The following ERCC6 variants were observed in gnomAD, a reference collection of about 807,000 sequenced individuals.
ERCC6 encodes DNA excision repair protein ERCC-6.
A neutral mutation model predicts 158.7 loss-of-function variants in ERCC6; 116 were observed. That is an observed-to-expected ratio of 0.73 (90% confidence interval 0.63 to 0.85). The LOEUF is 0.85. Ranked by LOEUF, ERCC6 falls within the 40% of genes least tolerant of loss-of-function variation. The pLI, the probability that ERCC6 is intolerant of heterozygous loss-of-function variation, is 0.00. For synonymous variants in ERCC6, 678 were observed against 659.3 expected (o/e 1.03, Z -0.43); for missense variants, 1,698 against 1,799.4 (o/e 0.94, Z 1.02).
intron 7 of ERCC6, among the ~76,000 whole-genome samples, chr10:49,496,932 A>G (rs577614996): frequency 6.6e-5 from 10 of 152,354 alleles, no homozygotes; most frequent in African/African-American, 2.4e-4. Flanking sequence ...GTTCTATAGA[A>G]AAACAATGAA....
In ERCC6 at chr10:49,455,083, C is replaced by T. The variant is rs996597312; in HGVS notation, c.*3732G>A. 6.6e-6 allele frequency among the ~76,000 whole-genome samples: 1 copy of T among 151,894 alleles called. No homozygotes were observed. Among genetic ancestry groups the T allele is most frequent in the Non-Finnish European group, 1.5e-5 (1 of 67,998 alleles). On this transcript the variant is annotated 3_prime_UTR_variant, in exon 21 of 21. Coordinates refer to ENST00000355832, the MANE Select transcript of ERCC6 (RefSeq NM_000124.4). ...TGAATTTACTATATTTTAAAACTTC[C>T]GTATGATAAACATCACAAAATAGAT...
chr10:49,522,817 G>A (rs907745329), intron 5 of ERCC6, among the ~76,000 whole-genome samples: 12 of 152,162 alleles, frequency 7.9e-5, no homozygotes, highest in African/African-American at 2.4e-4. Context: ...GGTAATAAAC[G>A]TGCACAGAAA....
intron 10 of ERCC6, among the ~76,000 whole-genome samples, chr10:49,478,779 A>G (rs1850924269): frequency 6.6e-6 from 1 of 152,228 alleles, no homozygotes. Flanking sequence ...ATTACTATAC[A>G]GTTAAACCCT....
At chr10:49,484,716 G>C (rs921538106) in intron 8 of ERCC6, among the ~76,000 whole-genome samples, 4 of 152,206 alleles carry the variant, frequency 2.6e-5, no homozygotes, top group Non-Finnish European at 5.9e-5. Context: ...TTCCAGGCTA[G>C]ACAACGGCGC....
intron 10 of ERCC6, among the ~76,000 whole-genome samples, chr10:49,481,426 G>A (rs1234195238): frequency 6.6e-6 from 1 of 152,186 alleles, no homozygotes; most frequent in Non-Finnish European, 1.5e-5. Context: ...ATCTCAAAAT[G>A]TAAAATATAT....
chr10:49,515,846 T>C (rs767117156), intron 5 of ERCC6: 2 of 1,614,098 alleles, frequency 1.2e-6, no homozygotes, highest in Admixed American at 1.7e-5. Context: ...CAGCACCAGA[T>C]GAGGCAACAG....
At chr10:49,437,028 C>T in the ERCC6 span, among the ~76,000 whole-genome samples, 214 of 152,234 alleles carry the variant, frequency 1.4e-3, 2 homozygotes, top group African/African-American at 4.7e-3. Context: ...GGGAAGCACC[C>T]GGTGAGAGAT....
intron 5 of ERCC6, among the ~76,000 whole-genome samples, chr10:49,511,808 T>G (rs147828728): frequency 1.9e-3 from 289 of 152,170 alleles, no homozygotes; most frequent in African/African-American, 6.5e-3. Context: ...AGACACAGAT[T>G]TAAGATAACC....
At chr10:49,486,187 A>T (rs932608985) in intron 8 of ERCC6, among the ~76,000 whole-genome samples, 8 of 152,234 alleles carry the variant, frequency 5.3e-5, no homozygotes, top group African/African-American at 1.9e-4. Flanking sequence ...ACACATCCAC[A>T]GCCTACCCAG....
intron 5 of ERCC6, chr10:49,516,418 C>T (rs1170569854): frequency 1.9e-6 from 3 of 1,614,142 alleles, no homozygotes; most frequent in Admixed American, 3.3e-5. Context: ...TTTGCATTGT[C>T]AGCAACATGC....
rs1195873153 is a variant in ERCC6 at position 49,455,998 on chromosome 10, T to A, written c.*2817A>T. ...CTACATCATTAATCCAACAATTCTG[T>A]GCAGGCAGAGCTATACTTACAGGAA... is the stretch of plus-strand genomic sequence containing the variant. On this transcript the variant is annotated 3_prime_UTR_variant, in exon 21 of 21. Transcript: ENST00000355832. The A allele has an allele frequency of 6.6e-6, 1 of 152,216 alleles. No homozygotes were observed. Among genetic ancestry groups the A allele is most frequent in the Non-Finnish European group, 1.5e-5 (1 of 68,034 alleles). The allele number at this position is 152,216 out of a possible 1,614,324, so 9.4% of individuals were successfully genotyped here. A position where few individuals can be genotyped will look rare whatever the true frequency, so the allele number is the denominator to read the frequency against.
chr10:49,466,358 C>G (rs1244227310), intron 18 of ERCC6, among the ~76,000 whole-genome samples: 5 of 152,124 alleles, frequency 3.3e-5, no homozygotes, highest in Admixed American at 1.3e-4. Flanking sequence ...TGACAAGTAA[C>G]TCAGTACGTT....
rs141319934 is a variant in ERCC6 at position 49,512,025 on chromosome 10, G to T, written c.1398-6013C>A. Among the ~76,000 whole-genome samples, 818 of 152,270 alleles carry T rather than the reference G, an allele frequency of 5.4e-3. 7 individuals carry two copies. Among genetic ancestry groups the T allele is most frequent in the African/African-American group, 0.017 (716 of 41,534 alleles). Reference sequence around the variant, plus strand: ...TTTTGAAACTACATAAATTTCAGATGCTATAACAGTTGGCAGATTACACAA... The same window carrying T: ...TTTTGAAACTACATAAATTTCAGATTCTATAACAGTTGGCAGATTACACAA... On this transcript the variant is annotated intron_variant, in intron 5 of 20. Transcript: ENST00000355832.
At chr10:49,516,492 A>G (rs139949788) in intron 5 of ERCC6, 2 of 1,614,240 alleles carry the variant, frequency 1.2e-6, no homozygotes, top group Admixed American at 3.3e-5. Context: ...TACATTATGC[A>G]CATCTGTTCT....
chr10:49,491,820 TTTTGCAGCACAAAACACTAAGAGATG>T (rs1851178323), intron 8 of ERCC6, among the ~76,000 whole-genome samples: 1 of 152,114 alleles, frequency 6.6e-6, no homozygotes, highest in African/African-American at 2.4e-5. Context: ...TGCCACAGGA[TTTTGCAGCACAAAACACTAAGAGATG>T]TTAACAGATA....
the ERCC6 span, among the ~76,000 whole-genome samples, chr10:49,443,170 T>G: frequency 6.6e-6 from 1 of 152,222 alleles, no homozygotes; most frequent in African/African-American, 2.4e-5. Flanking sequence ...TGAAAGAACC[T>G]TTTGCCATTT....
rs757037155 is a variant in ERCC6 at position 49,500,647 on chromosome 10, C to T, written c.1576G>A (p.Ala526Thr). ...RWLWELHCQQ[A>T]GGILGDEMGL... The stretch of plus-strand genomic sequence containing the variant: ...ATTTCATCTCCCAGAATTCCTCCTG[C>T]CTGCTGGCAGTGCAATTCCCACAGC... The change falls in exon 7 of 21, where the codon GCA (alanine) becomes ACA (threonine). Residue 526 changes from alanine to threonine, a missense_variant. Physicochemically the swap from Ala to Thr is moderately conservative, Grantham distance 58. Transcript: ENST00000355832. 6.2e-7 allele frequency: 1 copy of T among 1,613,988 alleles called. No homozygotes were observed. Among genetic ancestry groups the T allele is most frequent in the Non-Finnish European group, 8.5e-7 (1 of 1,179,902 alleles).
intron 10 of ERCC6, among the ~76,000 whole-genome samples, chr10:49,479,039 C>T (rs1564422247): frequency 6.6e-6 from 1 of 152,018 alleles, no homozygotes; most frequent in Non-Finnish European, 1.5e-5. Context: ...CGAAAGGTCA[C>T]TCTGCCCTAA....
rs200818896 is a variant in ERCC6, at chr10:49,524,091, G to A, written c.1339C>T (p.Arg447Trp). 1.4e-4 allele frequency: 224 copies of A among 1,613,398 alleles called. 1 individual carries two copies. Among genetic ancestry groups the A allele is most frequent in the Admixed American group, 4.8e-4 (29 of 59,976 alleles). ...ASVGEGGGGG[R>W]KVGRYRDDGD... The stretch of plus-strand genomic sequence containing the variant: ...TCATCTCGGTATCTTCCCACTTTCC[G>A]ACCTCCTCCTCCTCCTTCTCCTACA... The change falls in exon 5 of 21, where the codon CGG becomes TGG. Residue 447 changes from arginine to tryptophan, a missense_variant. Arg to Trp is a moderately radical substitution (Grantham distance 101). Transcript: ENST00000355832.
Sources: gnomAD v4.1 joint callset for allele counts (sites outside exome capture counted in the v4.1 genomes callset) on GRCh38, gnomAD v4.1.1 for gene constraint, MANE v1.5 for transcripts, NCBI Gene and HGNC (gene_info 2026-07-23, HGNC 2026-07-21) for gene names.